The following NUBPL variants were observed in gnomAD, a reference collection of about 807,000 sequenced individuals.
NUBPL encodes the protein iron-sulfur cluster transfer protein NUBPL.
NUBPL carries 31 observed loss-of-function variants against 45.7 expected under a neutral mutation model. The observed-to-expected ratio is 0.68, with a 90% CI of 0.51 to 0.92. The LOEUF is 0.92. Ranked by LOEUF, NUBPL falls within the 40% of genes least tolerant of loss-of-function variation. NUBPL has a pLI of 0.00. For missense variants in NUBPL, 401 were observed against 398.7 expected (o/e 1.01, Z -0.05); for synonymous variants, 144 against 140.9 (o/e 1.02, Z -0.15).
intron 8 of NUBPL, among the ~76,000 whole-genome samples, chr14:31,838,568 T>C (rs1007548177): frequency 1.3e-5 from 2 of 152,156 alleles, no homozygotes; most frequent in African/African-American, 4.8e-5. Flanking sequence ...GTGAATACCT[T>C]TGGGAATGTG....
chr14:31,749,830 A>G (rs528746732), intron 6 of NUBPL, among the ~76,000 whole-genome samples: 1 of 152,106 alleles, frequency 6.6e-6, no homozygotes, highest in Non-Finnish European at 1.5e-5. Flanking sequence ...CAGTATTCCC[A>G]TAATGCAAAA....
intron 8 of NUBPL, among the ~76,000 whole-genome samples, chr14:31,833,896 A>C (rs2040232422): frequency 6.6e-6 from 1 of 152,208 alleles, no homozygotes; most frequent in East Asian, 1.9e-4. Context: ...AAGAAGCCTA[A>C]GAAATATCAA....
intron 6 of NUBPL, among the ~76,000 whole-genome samples, chr14:31,727,115 TAAAGA>T (rs2037943397): frequency 6.6e-6 from 1 of 152,192 alleles, no homozygotes; most frequent in Non-Finnish European, 1.5e-5. Context: ...TAGATAAAAT[TAAAGA>T]AAATAGTGTC....
chr14:31,675,120 G>A lies in NUBPL; in HGVS notation c.513+1546G>A, dbSNP rs1468079867. ...CCACTGCACTCCAGCCTGGGTGACA[G>A]AGTAAGACTCCGTCTCAAAAAAAAA... is the stretch of plus-strand genomic sequence containing the variant. On this transcript the variant is annotated intron_variant, in intron 6 of 10. Coordinates refer to ENST00000281081, the MANE Select transcript of NUBPL (RefSeq NM_025152.3). Among the ~76,000 whole-genome samples, 6 of 146,544 alleles carry A rather than the reference G, an allele frequency of 4.1e-5. No homozygotes were observed. The South Asian group carries it at 8.4e-4, about 21-fold the overall frequency.
intron 6 of NUBPL, among the ~76,000 whole-genome samples, chr14:31,739,660 C>T (rs1013814288): frequency 6.6e-6 from 1 of 152,166 alleles, no homozygotes; most frequent in African/African-American, 2.4e-5. Context: ...TACATTGACA[C>T]ATCTTTATCA....
chr14:31,853,080 G>GTGTTGTGTTT (rs1555344278), intron 10 of NUBPL, among the ~76,000 whole-genome samples: 13 of 118,300 alleles, frequency 1.1e-4, no homozygotes, highest in Non-Finnish European at 1.6e-4. Context: ...GTGTTGTGTT[G>GTGTTGTGTTT]TGTTTTGTTT....
At chr14:31,603,299 G>GA (rs529470069) in intron 4 of NUBPL, among the ~76,000 whole-genome samples, 4,225 of 56,578 alleles carry the variant, frequency 0.075, 199 homozygotes, top group African/African-American at 0.19. Flanking sequence ...GATCCTGTCT[G>GA]AAAAAAAAAA....
chr14:31,854,261 A>G (rs1184788534), intron 10 of NUBPL, among the ~76,000 whole-genome samples: 2 of 152,214 alleles, frequency 1.3e-5, no homozygotes, highest in Non-Finnish European at 2.9e-5. Flanking sequence ...CTGTGCCTCT[A>G]GATGACCTAA....
In NUBPL at chr14:31,859,379, A is replaced by G; in HGVS notation, c.*199A>G. The G allele has an allele frequency of 1.7e-6, 1 of 590,762 alleles. No individual in the cohort carries two copies. 36.6% of individuals were successfully genotyped at this position (590,762 alleles called of 1,614,324 possible). ...TCAATGTTAACTGCTATATTTAGGAATTTTTTGAAAGCTGGTGTGTACCAC... is the reference window on the plus strand; with the variant it reads ...TCAATGTTAACTGCTATATTTAGGAGTTTTTTGAAAGCTGGTGTGTACCAC... On this transcript the variant is annotated 3_prime_UTR_variant, in exon 11 of 11. Coordinates refer to ENST00000281081, the MANE Select transcript of NUBPL (RefSeq NM_025152.3).
intron 4 of NUBPL, among the ~76,000 whole-genome samples, chr14:31,634,629 G>T (rs966631865): frequency 2.6e-5 from 4 of 151,994 alleles, no homozygotes; most frequent in East Asian, 1.9e-4. Context: ...GGGTCAAATG[G>T]TATTTCTAGT....
chr14:31,631,500 A>C (rs369743211), intron 4 of NUBPL, among the ~76,000 whole-genome samples: 117 of 142,520 alleles, frequency 8.2e-4, no homozygotes, highest in East Asian at 3.2e-3. Flanking sequence ...CCCACCCCCC[A>C]CACACAAAGA....
intron 3 of NUBPL, among the ~76,000 whole-genome samples, chr14:31,579,929 G>A (rs955315552): frequency 1.3e-5 from 2 of 152,218 alleles, no homozygotes; most frequent in African/African-American, 4.8e-5. Flanking sequence ...TGGTTTGTGA[G>A]CCACACTGAT....
chr14:31,642,134 C>A (rs563597564), intron 4 of NUBPL, among the ~76,000 whole-genome samples: 1 of 152,160 alleles, frequency 6.6e-6, no homozygotes, highest in East Asian at 1.9e-4. Flanking sequence ...TGTGGGTGGT[C>A]TTTTCTCCTT....
At chr14:31,836,767 A>G (rs896446723) in intron 8 of NUBPL, among the ~76,000 whole-genome samples, 6 of 152,298 alleles carry the variant, frequency 3.9e-5, no homozygotes, top group Admixed American at 2.6e-4. Context: ...CACTGTTTGC[A>G]TATGTTAATT....
At chr14:31,638,907 A>C (rs1322291585) in intron 4 of NUBPL, among the ~76,000 whole-genome samples, 1 of 152,042 alleles carries the variant, frequency 6.6e-6, no homozygotes, top group Non-Finnish European at 1.5e-5. Flanking sequence ...TTCTTCACGT[A>C]GTTCTTGAGC....
At chr14:31,739,288 T>C (rs950347042) in intron 6 of NUBPL, among the ~76,000 whole-genome samples, 2 of 139,834 alleles carry the variant, frequency 1.4e-5, no homozygotes, top group African/African-American at 5.7e-5. Context: ...TTTCACCATG[T>C]TGGCCAGGCT....
At chr14:31,565,537 A>C (rs1223080143) in intron 3 of NUBPL, among the ~76,000 whole-genome samples, 1 of 152,162 alleles carries the variant, frequency 6.6e-6, no homozygotes, top group East Asian at 1.9e-4. Context: ...CTCCATATAA[A>C]AATCTAAAAC....
At chr14:31,690,476 T>C (rs1008747492) in intron 6 of NUBPL, among the ~76,000 whole-genome samples, 1 of 152,166 alleles carries the variant, frequency 6.6e-6, no homozygotes, top group Non-Finnish European at 1.5e-5. Flanking sequence ...CTGGTCTTCT[T>C]GCCCTCAAAC....
At chr14:31,720,845 C>T (rs115976499) in intron 6 of NUBPL, among the ~76,000 whole-genome samples, 225 of 152,272 alleles carry the variant, frequency 1.5e-3, no homozygotes, top group Middle Eastern at 0.014. Flanking sequence ...GCAGAAACTT[C>T]TATTGGACAG....
Sources: gnomAD v4.1 joint callset for allele counts (sites outside exome capture counted in the v4.1 genomes callset) on GRCh38, gnomAD v4.1.1 for gene constraint, MANE v1.5 for transcripts, NCBI Gene and HGNC (gene_info 2026-07-23, HGNC 2026-07-21) for gene names.